LARP4B: variants seen among roughly 807,000 people sequenced by gnomAD.
The protein encoded by LARP4B is la-related protein 4B.
Under a neutral mutation model 89.8 loss-of-function variants are expected in LARP4B, and 12 were observed. The observed-to-expected ratio is 0.13, with a 90% confidence interval of 0.09 to 0.22. The LOEUF (loss-of-function observed/expected upper bound fraction) is 0.22. Ranked by LOEUF, LARP4B falls within the 10% of genes least tolerant of loss-of-function variation. The pLI is 1.00. For synonymous variants in LARP4B, 367 were observed against 363.3 expected, an observed-to-expected ratio of 1.01 and a Z score of -0.12; for missense variants, 757 against 947.7, an observed-to-expected ratio of 0.80 and a Z score of 2.64.
At chr10:820,581 T>C in intron 14 of LARP4B, 1 of 539,700 alleles carries the variant, frequency 1.9e-6, no homozygotes, top group East Asian at 3.1e-5. Flanking sequence ...GCCTGTGCAC[T>C]GTGGAGTCCT....
At chr10:826,060 T>A (rs368012246) in intron 11 of LARP4B, among the ~76,000 whole-genome samples, 190 bp from the exon 12 acceptor site, 1 of 152,368 alleles carries the variant, frequency 6.6e-6, no homozygotes, top group Non-Finnish European at 1.5e-5. Flanking sequence ...CTTTTGTGCA[T>A]CCTTTCAGCC....
the LARP4B span, among the ~76,000 whole-genome samples, chr10:983,668 C>T: frequency 1.3e-5 from 2 of 152,142 alleles, no homozygotes; most frequent in East Asian, 1.9e-4. Flanking sequence ...AGCCTCGTGA[C>T]CTTTTCTGAA....
intron 1 of LARP4B, among the ~76,000 whole-genome samples, chr10:886,894 T>G (rs982656435): frequency 6.6e-6 from 1 of 152,014 alleles, no homozygotes; most frequent in Admixed American, 6.6e-5. Context: ...GTTCGAGACC[T>G]GTCTGACCAA....
chr10:935,319 CT>C (rs1434389796), upstream of LARP4B, among the ~76,000 whole-genome samples: 4 of 152,200 alleles, frequency 2.6e-5, no homozygotes, highest in Non-Finnish European at 5.9e-5. Flanking sequence ...GGGCGGCATT[CT>C]TTTGGAGCCT....
chr10:944,606 G>A, the LARP4B span, among the ~76,000 whole-genome samples: 447 of 152,264 alleles, frequency 2.9e-3, 3 homozygotes, highest in East Asian at 0.018. Flanking sequence ...TCCTGCCAGC[G>A]CCAGTGCCAG....
intron 5 of LARP4B, among the ~76,000 whole-genome samples, chr10:853,468 G>A (rs1415047773): frequency 6.6e-6 from 1 of 152,178 alleles, no homozygotes; most frequent in Non-Finnish European, 1.5e-5. Flanking sequence ...TGGAACACCT[G>A]GGGTCAGGAG....
chr10:940,012 ATT>A, the LARP4B span, among the ~76,000 whole-genome samples: 100 of 118,790 alleles, frequency 8.4e-4, no homozygotes, highest in African/African-American at 1.2e-3. Context: ...CGCCCGGCTA[ATT>A]TTTTTTTTTT....
At chr10:871,647 T>C (rs770823018) in intron 3 of LARP4B, among the ~76,000 whole-genome samples, 3 of 152,106 alleles carry the variant, frequency 2.0e-5, no homozygotes, top group African/African-American at 4.8e-5. Context: ...CTGACTTGTC[T>C]GGGGACAGGT....
chr10:838,033 C>T (rs984392337), intron 7 of LARP4B, among the ~76,000 whole-genome samples: 2 of 152,080 alleles, frequency 1.3e-5, no homozygotes, highest in African/African-American at 4.8e-5. Context: ...GACAATGTGA[C>T]CGTGGAGCAA....
chr10:969,575 C>T, the LARP4B span, among the ~76,000 whole-genome samples: 1 of 152,016 alleles, frequency 6.6e-6, no homozygotes, highest in South Asian at 2.1e-4. Flanking sequence ...ACTAAAAATA[C>T]AGAAATTAGC....
chr10:954,316 C>T, the LARP4B span, among the ~76,000 whole-genome samples: 183 of 152,270 alleles, frequency 1.2e-3, 1 homozygote, highest in African/African-American at 4.2e-3. The surrounding 1 kb of genome is among the most constrained non-coding windows in gnomAD (Gnocchi z 5.0). Flanking sequence ...TCCACCAGCC[C>T]GGCTGGGGAA....
intron 5 of LARP4B, among the ~76,000 whole-genome samples, chr10:848,046 C>A (rs561160348): frequency 6.6e-6 from 1 of 152,306 alleles, no homozygotes; most frequent in East Asian, 1.9e-4. Flanking sequence ...ACGTTGTCAG[C>A]CAGGTTCTTT....
chr10:906,781 T>C (rs902800405), intron 1 of LARP4B, among the ~76,000 whole-genome samples: 4 of 152,228 alleles, frequency 2.6e-5, no homozygotes, highest in Non-Finnish European at 4.4e-5. Flanking sequence ...GACATATCAT[T>C]GACTCAGGTG....
chr10:908,775 T>C lies in LARP4B; in HGVS notation c.-40+22653A>G, dbSNP rs549877301. ...CCTTTCCAAAATATACTGAAAGCTATGAAACAGAATTCAGAAGTTCCAGGA... is the reference window on the plus strand; with the variant it reads ...CCTTTCCAAAATATACTGAAAGCTACGAAACAGAATTCAGAAGTTCCAGGA... On this transcript the variant is annotated intron_variant, in intron 1 of 17. Coordinates refer to ENST00000316157, the MANE Select transcript of LARP4B (RefSeq NM_015155.3). Among the ~76,000 whole-genome samples the C allele has an allele frequency of 3.3e-5, 5 of 152,324 alleles. No homozygotes were observed. The East Asian group carries it at 9.6e-4, about 29-fold the overall frequency.
chr10:942,748 G>A, the LARP4B span: 2 of 151,816 alleles, frequency 1.3e-5, no homozygotes, highest in African/African-American at 2.4e-5. Context: ...TGATAATTTT[G>A]TGATTCCATG....
At position 852,672 on chromosome 10, in the gene LARP4B, G is replaced by C. The variant is rs1834117718; in HGVS notation, c.431-7617C>G. ...AGAAATAAAAGGCATCAAGATTGGA[G>C]AGAAAGTAAAACAGTCTTCATTCTA... On this transcript the variant is annotated intron_variant, in intron 5 of 17. Coordinates refer to ENST00000316157, the MANE Select transcript of LARP4B (RefSeq NM_015155.3). 2.0e-5 allele frequency among the ~76,000 whole-genome samples: 3 copies of C among 152,178 alleles called. 1 individual carries two copies. The highest frequency in any genetic ancestry group is 7.2e-5 in the African/African-American group (3 of 41,444).
chr10:919,012 C>T lies in LARP4B; in HGVS notation c.-40+12416G>A, dbSNP rs148452658. On this transcript the variant is annotated intron_variant, in intron 1 of 17. Coordinates refer to ENST00000316157, the MANE Select transcript of LARP4B (RefSeq NM_015155.3). ...AGGAGAATGGCGTGAACCCGAGAGG[C>T]GGAGTTTGCAGTGAGCGGAGATCAA... Among the ~76,000 whole-genome samples, 416 of 151,892 alleles carry T rather than the reference C, an allele frequency of 2.7e-3. 1 individual carries two copies. Among genetic ancestry groups the T allele is most frequent in the African/African-American group, 9.7e-3 (402 of 41,442 alleles).
the LARP4B span, among the ~76,000 whole-genome samples, chr10:974,647 A>G: frequency 2.0e-5 from 3 of 152,192 alleles, no homozygotes; most frequent in South Asian, 4.1e-4. Flanking sequence ...AGAACACAGA[A>G]ATGAGGCCAG....
chr10:946,895 GTC>G, the LARP4B span, among the ~76,000 whole-genome samples: 2 of 151,992 alleles, frequency 1.3e-5, no homozygotes, highest in Non-Finnish European at 2.9e-5. Flanking sequence ...TTGAGACAGA[GTC>G]TTGCTCTGTT....
Sources: gnomAD v4.1 joint callset for allele counts (sites outside exome capture counted in the v4.1 genomes callset) on GRCh38, gnomAD v4.1.1 for gene constraint, Gnocchi (gnomAD v3.1) non-coding constraint, MANE v1.5 for transcripts, NCBI Gene and HGNC (gene_info 2026-07-23, HGNC 2026-07-21) for gene names.